The following ST7 variants were observed in gnomAD, a reference collection of about 807,000 sequenced individuals.
The protein encoded by ST7 is suppression of tumorigenicity 7, also known as suppressor of tumorigenicity 7 protein.
A neutral mutation model predicts 78.7 loss-of-function variants in ST7; 28 were observed. The ratio of observed to expected loss-of-function variants is 0.36; its 90% CI spans 0.26 to 0.49. ST7 has a LOEUF of 0.49. Ranked by LOEUF, ST7 falls within the 20% of genes least tolerant of loss-of-function variation. ST7 has a pLI of 0.99. For synonymous variants in ST7, 247 were observed against 249.6 expected (o/e 0.99, Z 0.10); for missense variants, 418 against 696.0 (o/e 0.60, Z 4.49).
intron 1 of ST7, among the ~76,000 whole-genome samples, chr7:117,040,409 TAC>T (rs1797146929): frequency 6.6e-6 from 1 of 152,104 alleles, no homozygotes; most frequent in East Asian, 1.9e-4. Flanking sequence ...CTAAATTTTA[TAC>T]ACACATACAC....
chr7:117,217,138 G>A (rs1386064866), intron 13 of ST7, among the ~76,000 whole-genome samples: 1 of 152,062 alleles, frequency 6.6e-6, no homozygotes, highest in Non-Finnish European at 1.5e-5. Context: ...ACTCCCTGAA[G>A]TGCAAACTGA....
intron 1 of ST7, among the ~76,000 whole-genome samples, chr7:116,988,141 C>T (rs1037138705): frequency 6.6e-6 from 1 of 152,188 alleles, no homozygotes; most frequent in Non-Finnish European, 1.5e-5. Context: ...CCTATTATGA[C>T]TTGTAAAAAT....
chr7:117,040,458 C>T (rs1484677255), intron 1 of ST7, among the ~76,000 whole-genome samples: 1 of 152,086 alleles, frequency 6.6e-6, no homozygotes, highest in East Asian at 1.9e-4. Flanking sequence ...ATCTGTATAT[C>T]TACGTATAAT....
chr7:117,134,446 C>A (rs569109328), intron 7 of ST7, among the ~76,000 whole-genome samples: 1 of 151,960 alleles, frequency 6.6e-6, no homozygotes, highest in Admixed American at 6.6e-5. Context: ...CAAACTCATG[C>A]GTTTCCACAT....
intron 2 of ST7, among the ~76,000 whole-genome samples, chr7:117,108,013 TGAA>T (rs1802118650): frequency 6.6e-6 from 1 of 152,116 alleles, no homozygotes. Flanking sequence ...GTGTAGATTA[TGAA>T]GATTTTCTGC....
chr7:117,182,984 G>C (rs936571973), intron 10 of ST7, among the ~76,000 whole-genome samples: 1 of 152,242 alleles, frequency 6.6e-6, no homozygotes, highest in South Asian at 2.1e-4. Flanking sequence ...GTGATTTTTA[G>C]ATAAGGATTT....
chr7:117,186,462 G>T (rs909438647), intron 10 of ST7, among the ~76,000 whole-genome samples: 3 of 152,202 alleles, frequency 2.0e-5, no homozygotes, highest in Non-Finnish European at 4.4e-5. Flanking sequence ...TCCCGGGTTG[G>T]ATGGAGCAGG....
intron 5 of ST7, 88 bp from the exon 6 acceptor site, chr7:117,131,797 G>T: frequency 8.6e-7 from 1 of 1,167,986 alleles, no homozygotes; most frequent in South Asian, 1.3e-5. Context: ...AATTTAAGCT[G>T]ACACTCCTAA....
intron 1 of ST7, chr7:117,073,759 A>C (rs371355283): frequency 6.6e-6 from 1 of 152,234 alleles, no homozygotes; most frequent in African/African-American, 2.4e-5. Flanking sequence ...GTGGAAAAGT[A>C]TCTGGCCTAT....
intron 1 of ST7, among the ~76,000 whole-genome samples, chr7:116,958,118 T>G (rs1342416814): frequency 6.6e-6 from 1 of 151,574 alleles, no homozygotes; most frequent in African/African-American, 2.4e-5. Context: ...GCCACCTCAG[T>G]CTTAGTAGCT....
intron 15 of ST7, among the ~76,000 whole-genome samples, chr7:117,227,730 A>C (rs866667681): frequency 7.2e-5 from 11 of 152,312 alleles, no homozygotes; most frequent in Middle Eastern, 6.8e-3. Flanking sequence ...ATTGTCTCCC[A>C]TGATGCCTTC....
chr7:117,075,564 G>A (rs1386610284), intron 1 of ST7, among the ~76,000 whole-genome samples: 2 of 152,212 alleles, frequency 1.3e-5, no homozygotes, highest in African/African-American at 4.8e-5. Flanking sequence ...ATGGAAAGAT[G>A]TGTTTGTTTG....
intron 12 of ST7, among the ~76,000 whole-genome samples, chr7:117,209,511 A>G (rs950800849): frequency 1.3e-5 from 2 of 152,100 alleles, no homozygotes; most frequent in Non-Finnish European, 2.9e-5. Flanking sequence ...ATTTTCCTTT[A>G]TGCTGTTTGA....
intron 1 of ST7, among the ~76,000 whole-genome samples, chr7:117,064,952 T>C (rs977924035): frequency 6.6e-6 from 1 of 152,180 alleles, no homozygotes; most frequent in African/African-American, 2.4e-5. Flanking sequence ...GAAAAATGAC[T>C]AATCTCATTG....
intron 1 of ST7, among the ~76,000 whole-genome samples, chr7:117,086,606 G>C (rs764262256): frequency 6.6e-6 from 1 of 152,172 alleles, no homozygotes; most frequent in Non-Finnish European, 1.5e-5. Flanking sequence ...TATTAGGGAT[G>C]AATTTAGCTT....
chr7:117,125,352 G>A (rs1261524722), intron 3 of ST7, among the ~76,000 whole-genome samples: 1 of 152,058 alleles, frequency 6.6e-6, no homozygotes, highest in Admixed American at 6.6e-5. Context: ...CTTGAAGAAA[G>A]TGGTACATTA....
intron 3 of ST7, among the ~76,000 whole-genome samples, chr7:117,128,649 A>G (rs1563103791): frequency 6.6e-6 from 1 of 151,774 alleles, no homozygotes; most frequent in Non-Finnish European, 1.5e-5. Context: ...ATTTGTTGAG[A>G]TTACACACAT....
chr7:117,226,225 G>A (rs539005335), intron 15 of ST7, among the ~76,000 whole-genome samples: 113 of 152,322 alleles, frequency 7.4e-4, no homozygotes, highest in Non-Finnish European at 1.2e-3. Context: ...GTTGGGAGCC[G>A]TGACCTTCTA....
At chr7:117,065,114 A>G (rs888611158) in intron 1 of ST7, among the ~76,000 whole-genome samples, 1 of 152,180 alleles carries the variant, frequency 6.6e-6, no homozygotes, top group Non-Finnish European at 1.5e-5. Context: ...TATACTGATA[A>G]AGAACTGAGA....
Sources: allele counts gnomAD v4.1 joint callset (sites outside exome capture counted in the v4.1 genomes callset), GRCh38; gene constraint gnomAD v4.1.1; transcripts MANE v1.5; gene names NCBI Gene and HGNC (gene_info 2026-07-23, HGNC 2026-07-21).